Variants in WWOX observed in about 807,000 individuals in gnomAD.
The protein encoded by WWOX is WW domain containing oxidoreductase, also known as WW domain-containing oxidoreductase.
In WWOX, 69 loss-of-function variants were observed where a neutral mutation model predicts 46.2. The ratio of observed to expected loss-of-function variants is 1.49; its 90% CI spans 1.23 to 1.82. The LOEUF is 1.82. Among genes scored for constraint, WWOX ranks in the 40% most tolerant of loss-of-function variants. WWOX has a pLI of 0.00. For missense variants in WWOX, 919 were observed against 542.6 expected, an observed-to-expected ratio of 1.69 and a Z score of -6.89; for synonymous variants, 359 against 202.6, an observed-to-expected ratio of 1.77 and a Z score of -6.56.
At chr16:78,840,518 A>T (rs2052110296) in intron 8 of WWOX, among the ~76,000 whole-genome samples, 1 of 152,214 alleles carries the variant, frequency 6.6e-6, no homozygotes, top group Non-Finnish European at 1.5e-5. Context: ...CTACAGAGCC[A>T]GTGGTTTATT....
intron 8 of WWOX, among the ~76,000 whole-genome samples, chr16:79,154,853 T>A (rs1305215920): frequency 6.6e-6 from 1 of 152,202 alleles, no homozygotes; most frequent in African/African-American, 2.4e-5. Flanking sequence ...ATAAACTTGA[T>A]CCAAGGTTTA....
At chr16:79,109,712 C>A (rs1723606257) in intron 8 of WWOX, among the ~76,000 whole-genome samples, 1 of 152,164 alleles carries the variant, frequency 6.6e-6, no homozygotes. Context: ...ATTCATAGAA[C>A]AACTCCTTGC....
chr16:78,150,939 G>C (rs1237053858), intron 4 of WWOX, among the ~76,000 whole-genome samples: 1 of 152,122 alleles, frequency 6.6e-6, no homozygotes, highest in Non-Finnish European at 1.5e-5. Context: ...GTGTAGTGGT[G>C]CAGTCATAGC....
At chr16:78,314,053 G>A (rs1304138483) in intron 5 of WWOX, among the ~76,000 whole-genome samples, 1 of 152,098 alleles carries the variant, frequency 6.6e-6, no homozygotes, top group Non-Finnish European at 1.5e-5. Context: ...ATGGAGCTGG[G>A]CATCTGTCTC....
Position 78,802,932 on chromosome 16 carries a change from AAAAAAAAAAACAAC to A in WWOX, c.1056+370184_1056+370197del, listed in dbSNP as rs1438509366. Among the ~76,000 whole-genome samples the A allele has an allele frequency of 2.0e-3, 200 of 101,430 alleles. 24 individuals carry two copies. Among genetic ancestry groups the A allele is most frequent in the African/African-American group, 6.8e-3 (159 of 23,278 alleles). 66.5% of individuals were successfully genotyped at this position (101,430 alleles called of 152,430 possible). On this transcript the variant is annotated intron_variant, in intron 8 of 8. Transcript: ENST00000566780. ...CTTCATCTGAAAAAAAAAAAAAAAAAAAAAAAAAAACAACAAACAGAAAAATGAACGAGTGAGTG... is the reference window on the plus strand; with the variant it reads ...CTTCATCTGAAAAAAAAAAAAAAAAAAAACAGAAAAATGAACGAGTGAGTG...
chr16:78,665,075 G>A (rs897950649), intron 8 of WWOX, among the ~76,000 whole-genome samples: 1 of 152,188 alleles, frequency 6.6e-6, no homozygotes, highest in Non-Finnish European at 1.5e-5. Flanking sequence ...ATGGGAATTG[G>A]TAGGATCATC....
chr16:78,431,785 T>C (rs1313082197), intron 7 of WWOX, among the ~76,000 whole-genome samples: 3 of 151,990 alleles, frequency 2.0e-5, no homozygotes, highest in East Asian at 1.9e-4. Flanking sequence ...GGCACAATCA[T>C]AGCTCACTGC....
At chr16:79,168,718 G>A (rs1029524476) in intron 8 of WWOX, among the ~76,000 whole-genome samples, 1 of 152,068 alleles carries the variant, frequency 6.6e-6, no homozygotes, top group Non-Finnish European at 1.5e-5. Context: ...GAGGAGGAAA[G>A]CTGGGCAAGG....
intron 5 of WWOX, among the ~76,000 whole-genome samples, chr16:78,248,391 G>A (rs1327969635): frequency 3.3e-5 from 5 of 152,148 alleles, no homozygotes; most frequent in Admixed American, 6.6e-5. Context: ...AAATCTGTCC[G>A]CATGATCTAA....
At chr16:78,556,310 G>A (rs1165342473) in intron 8 of WWOX, among the ~76,000 whole-genome samples, 6 of 151,844 alleles carry the variant, frequency 4.0e-5, no homozygotes, top group Non-Finnish European at 8.8e-5. Context: ...GGAGACAGTC[G>A]GCGATTGGGA....
At chr16:79,115,803 G>C (rs1034277735) in intron 8 of WWOX, among the ~76,000 whole-genome samples, 1 of 152,176 alleles carries the variant, frequency 6.6e-6, no homozygotes, top group Admixed American at 6.5e-5. Context: ...TTAAAGTCCT[G>C]AAGGAAACAG....
At chr16:78,306,944 C>G (rs889194926) in intron 5 of WWOX, among the ~76,000 whole-genome samples, 3 of 152,158 alleles carry the variant, frequency 2.0e-5, no homozygotes, top group African/African-American at 7.2e-5. Flanking sequence ...GACAGGTTTC[C>G]AGTATTATCT....
intron 8 of WWOX, among the ~76,000 whole-genome samples, chr16:78,852,207 A>C (rs2052461012): frequency 6.6e-6 from 1 of 152,238 alleles, no homozygotes; most frequent in Non-Finnish European, 1.5e-5. Context: ...CCAGAGGTCA[A>C]GATGGCCTCT....
chr16:78,630,367 T>C (rs776260671), intron 8 of WWOX, among the ~76,000 whole-genome samples: 76 of 152,312 alleles, frequency 5.0e-4, no homozygotes, highest in Middle Eastern at 3.4e-3. Flanking sequence ...TGGCTCACTC[T>C]GTCTAGACTG....
At chr16:78,144,172 G>T (rs2034084629) in intron 4 of WWOX, among the ~76,000 whole-genome samples, 1 of 151,746 alleles carries the variant, frequency 6.6e-6, no homozygotes, top group Admixed American at 6.6e-5. Context: ...GTATGCAATT[G>T]TCTATTACAA....
chr16:78,956,771 A>C (rs2046175620), intron 8 of WWOX, among the ~76,000 whole-genome samples: 1 of 152,194 alleles, frequency 6.6e-6, no homozygotes, highest in Non-Finnish European at 1.5e-5. Flanking sequence ...TGCTGAGCCC[A>C]GCCTCAGACC....
chr16:78,986,739 C>T (rs1341028664), intron 8 of WWOX, among the ~76,000 whole-genome samples: 1 of 152,170 alleles, frequency 6.6e-6, no homozygotes, highest in Non-Finnish European at 1.5e-5. Context: ...GTTGAAACAT[C>T]TTTGCCATTT....
At chr16:78,382,571 C>T (rs1277826492) in intron 5 of WWOX, among the ~76,000 whole-genome samples, 1 of 152,120 alleles carries the variant, frequency 6.6e-6, no homozygotes, top group African/African-American at 2.4e-5. Flanking sequence ...GAATTCAGCC[C>T]ACGTCTTACT....
intron 8 of WWOX, among the ~76,000 whole-genome samples, chr16:78,971,471 A>AG (rs1172394377): frequency 0.024 from 3,131 of 129,912 alleles, 176 homozygotes; most frequent in African/African-American, 0.086. Context: ...AAAAAAAAAA[A>AG]AAAGAGAGAG....
Sources: gnomAD v4.1 joint callset for allele counts (sites outside exome capture counted in the v4.1 genomes callset) on GRCh38, gnomAD v4.1.1 for gene constraint, MANE v1.5 for transcripts, NCBI Gene and HGNC (gene_info 2026-07-23, HGNC 2026-07-21) for gene names.